Variants in BAG4 observed in about 807,000 individuals in gnomAD.
The protein encoded by BAG4 is BAG cochaperone 4.
BAG4 carries 28 observed loss-of-function variants against 52.1 expected under a neutral mutation model. The observed-to-expected ratio is 0.54, with a 90% CI of 0.40 to 0.74. The LOEUF is 0.74. Among genes scored for constraint, BAG4 ranks in the 30% least tolerant of loss-of-function variants. The probability of loss-of-function intolerance (pLI) is 0.00; values close to 1 mark genes in which losing one functional copy is unlikely to be tolerated. For missense variants in BAG4, 525 were observed against 572.0 expected (o/e 0.92, Z 0.84); for synonymous variants, 208 against 217.0 (o/e 0.96, Z 0.37).
intron 2 of BAG4, among the ~76,000 whole-genome samples, chr8:38,203,255 C>G (rs1356413185): frequency 2.0e-5 from 3 of 150,666 alleles, no homozygotes; most frequent in African/African-American, 7.3e-5. Context: ...ATGAAGATGG[C>G]TTATGTGAAA....
chr8:38,199,373 TCA>T (rs1285187647), intron 2 of BAG4, among the ~76,000 whole-genome samples: 1 of 152,230 alleles, frequency 6.6e-6, no homozygotes, highest in East Asian at 1.9e-4. Flanking sequence ...GGTTGGCTTT[TCA>T]CACTCTTGAT....
At chr8:38,194,115 G>A (rs1482723366) in intron 2 of BAG4, among the ~76,000 whole-genome samples, 3 of 151,950 alleles carry the variant, frequency 2.0e-5, no homozygotes, top group Middle Eastern at 3.2e-3. Context: ...CAGGTGATCC[G>A]CCCACCTTGG....
intron 2 of BAG4, among the ~76,000 whole-genome samples, chr8:38,202,696 TAC>T (rs543309712): frequency 4.2e-4 from 64 of 151,806 alleles, no homozygotes; most frequent in Non-Finnish European, 7.9e-4. Context: ...CATACGCCAC[TAC>T]ACCTGGCTAA....
At chr8:38,198,623 G>A (rs1008783134) in intron 2 of BAG4, among the ~76,000 whole-genome samples, 2 of 150,634 alleles carry the variant, frequency 1.3e-5, no homozygotes, top group South Asian at 2.1e-4. Context: ...TGAGTAGCTG[G>A]GACTACAGGC....
intron 1 of BAG4, among the ~76,000 whole-genome samples, chr8:38,181,570 C>G (rs1233178271): frequency 1.3e-5 from 2 of 151,504 alleles, no homozygotes; most frequent in Non-Finnish European, 2.9e-5. Context: ...AACCCCGTCT[C>G]TACTAAAAAT....
intron 1 of BAG4, 95 bp downstream of exon 1, chr8:38,177,234 G>T (rs1803175352): frequency 1.3e-6 from 2 of 1,515,150 alleles, no homozygotes; most frequent in Non-Finnish European, 1.8e-6. Context: ...TCCTTATGTG[G>T]AGGAGGGTGT....
chr8:38,206,186 A>G (rs1433590333), intron 2 of BAG4, among the ~76,000 whole-genome samples: 2 of 151,462 alleles, frequency 1.3e-5, no homozygotes, highest in South Asian at 2.1e-4. Context: ...GAGGCAGGAG[A>G]ATCGCTTGAA....
Position 38,207,786 on chromosome 8 carries a change from GA to G in BAG4, c.633+27del. 5 of 1,609,270 alleles carry G rather than the reference GA, an allele frequency of 3.1e-6. No homozygotes were observed. The highest frequency in any genetic ancestry group is 4.2e-6 in the Non-Finnish European group (5 of 1,178,260). ...TCACAGGTGAGTTGTTTTCTATTGG[GA>G]AAAAAATGAATTCAAAGTCTCTGCC... On this transcript the variant is annotated intron_variant, in intron 3 of 4. Transcript: ENST00000287322.
chr8:38,204,349 G>A (rs1803733490), intron 2 of BAG4: 1 of 152,108 alleles, frequency 6.6e-6, no homozygotes, highest in Non-Finnish European at 1.5e-5. Flanking sequence ...GCCAAACCCT[G>A]TCTCTACAAA....
chr8:38,201,333 A>G (rs1803658907), intron 2 of BAG4, among the ~76,000 whole-genome samples: 1 of 152,112 alleles, frequency 6.6e-6, no homozygotes, highest in South Asian at 2.1e-4. Flanking sequence ...GTTTCTTGAG[A>G]TAGATAGTCT....
At position 38,191,108 on chromosome 8, in the gene BAG4, A is replaced by G. The variant is rs542269170; in HGVS notation, c.271-1580A>G. ...TAAAATACAGTTTGAATTCATACTG[A>G]TATTTACAATTCAAATTAAGGATTA... On this transcript the variant is annotated intron_variant, in intron 1 of 4. Transcript: ENST00000287322. 5.5e-4 allele frequency among the ~76,000 whole-genome samples: 83 copies of G among 152,280 alleles called. No homozygotes were observed. The Middle Eastern group carries it at 0.024, about 44-fold the overall frequency.
intron 2 of BAG4, chr8:38,204,379 G>C (rs1267598328): frequency 6.6e-6 from 1 of 152,130 alleles, no homozygotes; most frequent in Non-Finnish European, 1.5e-5. Context: ...AATTAGCCAG[G>C]CATGGTGGTG....
intron 1 of BAG4, among the ~76,000 whole-genome samples, chr8:38,187,546 G>C (rs1207474325): frequency 6.6e-6 from 1 of 152,052 alleles, no homozygotes; most frequent in Non-Finnish European, 1.5e-5. Flanking sequence ...TTCTTTAAAA[G>C]ACATTATATA....
At chr8:38,198,708 C>T (rs1311841388) in intron 2 of BAG4, among the ~76,000 whole-genome samples, 2 of 151,864 alleles carry the variant, frequency 1.3e-5, no homozygotes, top group African/African-American at 2.4e-5. Flanking sequence ...AGGATGGTCT[C>T]GATCTCCCAA....
rs758363232 is a variant in BAG4, at chr8:38,212,270, TTTAC to T, written c.*1779_*1782del. 1.3e-5 allele frequency: 2 copies of T among 152,284 alleles called. No individual in the cohort carries two copies. The highest frequency in any genetic ancestry group is 2.1e-4 in the South Asian group (1 of 4,828). The allele number at this position is 152,284 out of a possible 1,614,324, so 9.4% of individuals were successfully genotyped here. ...ATAATTCAGAAGAGAACACTATTCT[TTTAC>T]TGACTGAGTGCCCAAGATGCCAATT... is the stretch of plus-strand genomic sequence containing the variant. On this transcript the variant is annotated 3_prime_UTR_variant, in exon 5 of 5. Coordinates refer to ENST00000287322, the MANE Select transcript of BAG4 (RefSeq NM_004874.4).
intron 1 of BAG4, among the ~76,000 whole-genome samples, chr8:38,187,866 C>CAAAAAAAA (rs35690753): frequency 5.4e-5 from 3 of 56,058 alleles, no homozygotes; most frequent in African/African-American, 7.4e-5. Flanking sequence ...ACTAAAAATA[C>CAAAAAAAA]AAAAAAAAAA....
chr8:38,189,668 T>C lies in BAG4; in HGVS notation c.271-3020T>C, dbSNP rs142313891. Among the ~76,000 whole-genome samples the C allele has an allele frequency of 2.9e-4, 44 of 152,326 alleles. No homozygotes were observed. The East Asian group carries it at 7.7e-3, about 27-fold the overall frequency. ...ACTTCAGTTGAAAACACAGCTCCCA[T>C]ATAAGATAATGTAGGTCTTGTGGAG... is the stretch of plus-strand genomic sequence containing the variant. On this transcript the variant is annotated intron_variant, in intron 1 of 4. Transcript: ENST00000287322.
At chr8:38,181,685 C>T (rs1183625447) in intron 1 of BAG4, among the ~76,000 whole-genome samples, 1 of 151,026 alleles carries the variant, frequency 6.6e-6, no homozygotes, top group African/African-American at 2.4e-5. Flanking sequence ...TGTAGTGAGC[C>T]GAGATCACAC....
Position 38,201,866 on chromosome 8 carries a change from ATATATATATATATATTTTTTTTTTTTTT to A in BAG4, c.379-5644_379-5617del, listed in dbSNP as rs1378181276. The A allele has an allele frequency of 4.9e-3, 39 of 7,994 alleles. 1 individual carries two copies. The highest frequency in any genetic ancestry group is 0.013 in the African/African-American group (31 of 2,316). 0.5% of individuals were successfully genotyped at this position (7,994 alleles called of 1,614,324 possible). Reference sequence around the variant, plus strand: ...TATATATATATATATATATATATATATATATATATATATATTTTTTTTTTTTTTTTTTTTTTTTTTTTTAAGAAGCTGT... The same window carrying A: ...TATATATATATATATATATATATATATTTTTTTTTTTTTTTAAGAAGCTGT... On this transcript the variant is annotated intron_variant, in intron 2 of 4. Coordinates refer to ENST00000287322, the MANE Select transcript of BAG4 (RefSeq NM_004874.4).
Sources: allele counts gnomAD v4.1 joint callset (sites outside exome capture counted in the v4.1 genomes callset), GRCh38; gene constraint gnomAD v4.1.1; transcripts MANE v1.5; gene names NCBI Gene and HGNC (gene_info 2026-07-23, HGNC 2026-07-21).